The following EBF1 variants were observed in gnomAD, a reference collection of about 807,000 sequenced individuals.
The protein encoded by EBF1 is EBF transcription factor 1, also known as transcription factor COE1.
Under a neutral mutation model 68.4 loss-of-function variants are expected in EBF1, and 10 were observed. That is an observed-to-expected ratio of 0.15 (90% CI 0.09 to 0.25). The LOEUF (loss-of-function observed/expected upper bound fraction) is 0.25. Ranked by LOEUF, EBF1 falls within the 10% of genes least tolerant of loss-of-function variation. The pLI is 1.00. For synonymous variants in EBF1, 298 were observed against 299.8 expected, an observed-to-expected ratio of 0.99 and a Z score of 0.06; for missense variants, 509 against 794.4, an observed-to-expected ratio of 0.64 and a Z score of 4.32.
chr5:158,902,778 C>T (rs1480256096), intron 6 of EBF1, among the ~76,000 whole-genome samples: 2 of 152,052 alleles, frequency 1.3e-5, no homozygotes, highest in East Asian at 3.9e-4. Context: ...CGTATGGGGA[C>T]AACAGATTTC....
intron 6 of EBF1, among the ~76,000 whole-genome samples, chr5:158,949,052 T>C (rs1815446774): frequency 6.6e-6 from 1 of 152,236 alleles, no homozygotes; most frequent in Non-Finnish European, 1.5e-5. Flanking sequence ...TGCCAATGGA[T>C]TTCAAGGCCC....
Position 158,772,807 on chromosome 5 carries a change from C to T in EBF1, c.1036+4606G>A, listed in dbSNP as rs552053053. ...CAAAGGAATGAATCATAATGGCCAC[C>T]ATTTATTAATGGAAACTACTAGTAT... On this transcript the variant is annotated intron_variant, in intron 10 of 15. Coordinates refer to ENST00000313708, the MANE Select transcript of EBF1 (RefSeq NM_024007.5). Among the ~76,000 whole-genome samples, 39 of 152,240 alleles carry T rather than the reference C, an allele frequency of 2.6e-4. No homozygotes were observed. In the East Asian group the frequency reaches 7.5e-3, roughly 29 times the overall value.
chr5:158,845,658 TATGTACCCA>T (rs1367432252), intron 6 of EBF1, among the ~76,000 whole-genome samples: 3 of 145,230 alleles, frequency 2.1e-5, no homozygotes, highest in Admixed American at 1.4e-4. Context: ...AGCAAAGACC[TATGTACCCA>T]ATGAGAACTA....
chr5:158,813,683 T>G (rs963577093), intron 8 of EBF1, among the ~76,000 whole-genome samples: 8 of 152,226 alleles, frequency 5.3e-5, no homozygotes, highest in African/African-American at 1.4e-4. Flanking sequence ...AAGACCCACC[T>G]TAATTGATGA....
intron 10 of EBF1, among the ~76,000 whole-genome samples, chr5:158,776,473 C>G (rs962718762): frequency 6.6e-6 from 1 of 152,258 alleles, no homozygotes; most frequent in Admixed American, 6.5e-5. Context: ...TAACTGTTAT[C>G]CCTTCACTGC....
intron 6 of EBF1, among the ~76,000 whole-genome samples, chr5:158,844,072 T>C (rs560790460): frequency 8.7e-4 from 132 of 152,132 alleles, no homozygotes; most frequent in Non-Finnish European, 1.6e-3. Context: ...TTACCCCAAC[T>C]GTGGGAAACT....
At chr5:158,918,207 C>G (rs1275351959) in intron 6 of EBF1, among the ~76,000 whole-genome samples, 1 of 152,182 alleles carries the variant, frequency 6.6e-6, no homozygotes, top group Non-Finnish European at 1.5e-5. Context: ...CTACTGGAAA[C>G]TCTTTCAGTC....
intron 10 of EBF1, among the ~76,000 whole-genome samples, chr5:158,757,376 A>T (rs57119247): frequency 6.6e-6 from 1 of 152,274 alleles, no homozygotes; most frequent in African/African-American, 2.4e-5. Flanking sequence ...TCTCATTACA[A>T]GAGTCACTGA....
intron 10 of EBF1, among the ~76,000 whole-genome samples, chr5:158,745,336 T>C (rs894127906): frequency 6.6e-6 from 1 of 152,200 alleles, no homozygotes; most frequent in Non-Finnish European, 1.5e-5. Context: ...AATAATGGTG[T>C]AATTACTTCT....
intron 10 of EBF1, among the ~76,000 whole-genome samples, chr5:158,742,028 G>T (rs1212367623): frequency 6.6e-6 from 1 of 152,170 alleles, no homozygotes; most frequent in Non-Finnish European, 1.5e-5. Flanking sequence ...AATGAAAGTA[G>T]GGGCTGGGAT....
chr5:158,883,135 G>C (rs570231422), intron 6 of EBF1, among the ~76,000 whole-genome samples: 22 of 152,094 alleles, frequency 1.4e-4, no homozygotes, highest in Admixed American at 1.4e-3. Context: ...AAGGGAAGCT[G>C]TCACCAGAGA....
At chr5:158,744,521 G>T (rs1767133829) in intron 10 of EBF1, among the ~76,000 whole-genome samples, 1 of 152,162 alleles carries the variant, frequency 6.6e-6, no homozygotes, top group African/African-American at 2.4e-5. Context: ...GTTATACTAA[G>T]ATCATTAGCA....
At chr5:158,751,130 T>C (rs935846041) in intron 10 of EBF1, among the ~76,000 whole-genome samples, 1 of 152,152 alleles carries the variant, frequency 6.6e-6, no homozygotes, top group African/African-American at 2.4e-5. Flanking sequence ...TTGTTATGTA[T>C]AGAAAAATAT....
At chr5:159,088,001 T>C (rs1781015601) in intron 4 of EBF1, among the ~76,000 whole-genome samples, 1 of 152,112 alleles carries the variant, frequency 6.6e-6, no homozygotes, top group Non-Finnish European at 1.5e-5. Context: ...CCATGACTTC[T>C]GAAATAAAAG....
intron 10 of EBF1, among the ~76,000 whole-genome samples, chr5:158,738,506 G>A (rs2127563821): frequency 6.6e-6 from 1 of 152,308 alleles, no homozygotes; most frequent in South Asian, 2.1e-4. Flanking sequence ...AAGATTGTAG[G>A]TGTTAACAGT....
At chr5:158,775,769 CACACAT>C (rs1190649455) in intron 10 of EBF1, among the ~76,000 whole-genome samples, 2 of 131,880 alleles carry the variant, frequency 1.5e-5, no homozygotes, top group African/African-American at 6.1e-5. Context: ...CACACACACA[CACACAT>C]GCACACAGAC....
intron 6 of EBF1, among the ~76,000 whole-genome samples, chr5:158,900,523 G>C (rs539333194): frequency 4.3e-4 from 66 of 152,176 alleles, no homozygotes; most frequent in Non-Finnish European, 8.5e-4. Context: ...GATAGCATTT[G>C]TACAACTCTG....
chr5:158,827,286 T>C lies in EBF1; in HGVS notation c.637-3969A>G, dbSNP rs78980427. ...AATAAAAGGATACAGAAAGTGTTTC[T>C]TCTATGTCCACTGCTCAACACAAAC... On this transcript the variant is annotated intron_variant, in intron 7 of 15. Transcript: ENST00000313708. 5.8e-3 allele frequency among the ~76,000 whole-genome samples: 891 copies of C among 152,316 alleles called. 16 individuals carry two copies. The highest frequency in any genetic ancestry group is 0.021 in the African/African-American group (854 of 41,576).
At chr5:158,886,651 G>A (rs1325682138) in intron 6 of EBF1, among the ~76,000 whole-genome samples, 1 of 152,192 alleles carries the variant, frequency 6.6e-6, no homozygotes, top group Non-Finnish European at 1.5e-5. Context: ...AACATGTACA[G>A]CCAGTTTGAG....
Sources: gnomAD v4.1 joint callset for allele counts (sites outside exome capture counted in the v4.1 genomes callset) on GRCh38, gnomAD v4.1.1 for gene constraint, MANE v1.5 for transcripts, NCBI Gene and HGNC (gene_info 2026-07-23, HGNC 2026-07-21) for gene names.